ANKRD28: variants seen among roughly 807,000 people sequenced by gnomAD.
ANKRD28 encodes the protein ankyrin repeat domain 28, also known as serine/threonine-protein phosphatase 6 regulatory ankyrin repeat subunit A.
A neutral mutation model predicts 126.5 loss-of-function variants in ANKRD28; 44 were observed. The observed-to-expected ratio is 0.35, with a 90% CI of 0.27 to 0.45. The LOEUF is 0.45. Ranked by LOEUF, ANKRD28 falls within the 20% of genes least tolerant of loss-of-function variation. The pLI is 1.00. For missense variants in ANKRD28, 1,110 were observed against 1,316.6 expected, an observed-to-expected ratio of 0.84 and a Z score of 2.43; for synonymous variants, 442 against 468.5, an observed-to-expected ratio of 0.94 and a Z score of 0.73.
chr3:15,836,287 T>C (rs145017353), intron 1 of ANKRD28, among the ~76,000 whole-genome samples: 120 of 152,126 alleles, frequency 7.9e-4, no homozygotes, highest in African/African-American at 2.8e-3. Context: ...CGAGAGAAAA[T>C]AGTTATACCG....
intron 2 of ANKRD28, among the ~76,000 whole-genome samples, chr3:15,768,141 G>C (rs1202624552): frequency 6.6e-6 from 1 of 152,010 alleles, no homozygotes; most frequent in African/African-American, 2.4e-5. Flanking sequence ...ATTTAAAGTA[G>C]GTAGTATATT....
Position 15,814,266 on chromosome 3 carries a change from C to A in ANKRD28, c.28-18960G>T. 7.9e-7 allele frequency: 1 copy of A among 1,264,080 alleles called. No individual in the cohort carries two copies. The highest frequency in any genetic ancestry group is 1.0e-6 in the Non-Finnish European group (1 of 980,420). The allele number at this position is 1,264,080 out of a possible 1,614,324, so 78.3% of individuals were successfully genotyped here. A position where few individuals can be genotyped will look rare whatever the true frequency, so the allele number is the denominator to read the frequency against. On this transcript the variant is annotated intron_variant, in intron 1 of 27. Coordinates refer to the ANKRD28 transcript ENST00000399451. The surrounding 1 kb of genome is among the most constrained non-coding windows in gnomAD (Gnocchi z 4.7). ...ATAATAGGAATTCCCATACTATTTT[C>A]CTCTGGTGGAGGCAGTTGTACTGTT...
intron 1 of ANKRD28, among the ~76,000 whole-genome samples, chr3:15,820,243 A>G (rs1017786901): frequency 1.3e-5 from 2 of 152,204 alleles, no homozygotes; most frequent in Non-Finnish European, 2.9e-5. Context: ...ATATGCATAT[A>G]TATCAACCTA....
chr3:15,837,524 A>G (rs904364014), intron 1 of ANKRD28, among the ~76,000 whole-genome samples: 5 of 152,252 alleles, frequency 3.3e-5, no homozygotes, highest in Admixed American at 1.3e-4. Context: ...TGAAAATTAA[A>G]CAAGACACCT....
chr3:15,859,443 C>CGCT (rs1553652841), exon 1 of ANKRD28: 3 of 1,478,936 alleles, frequency 2.0e-6, no homozygotes, highest in Non-Finnish European at 2.7e-6. Context: ...CCTCCTCCTC[C>CGCT]GCCGCTGCCG....
At chr3:15,734,389 TAATCAGGTAATGTGACTGGTA>T (rs1361867685) in intron 6 of ANKRD28, among the ~76,000 whole-genome samples, 1 of 152,230 alleles carries the variant, frequency 6.6e-6, no homozygotes, top group Non-Finnish European at 1.5e-5. Flanking sequence ...GATGTCTTTG[TAATCAGGTAATGTGACTGGTA>T]AATCAGGGAA....
intron 2 of ANKRD28, among the ~76,000 whole-genome samples, chr3:15,783,485 A>G (rs952117051): frequency 1.3e-5 from 2 of 151,980 alleles, no homozygotes; most frequent in African/African-American, 4.8e-5. Context: ...AAAGTTAAAC[A>G]AGCATATTCA....
At chr3:15,792,411 G>A (rs989530618) in intron 2 of ANKRD28, among the ~76,000 whole-genome samples, 4 of 152,146 alleles carry the variant, frequency 2.6e-5, no homozygotes, top group African/African-American at 9.7e-5. Context: ...CCAGTCATTT[G>A]CAACAACAGG....
intron 2 of ANKRD28, among the ~76,000 whole-genome samples, chr3:15,776,668 G>A (rs955770940): frequency 6.6e-6 from 1 of 152,122 alleles, no homozygotes; most frequent in Admixed American, 6.5e-5. Context: ...CACTTCTGAG[G>A]TGCTAATGAT....
chr3:15,713,855 A>G (rs2072650227), intron 9 of ANKRD28, among the ~76,000 whole-genome samples: 1 of 152,200 alleles, frequency 6.6e-6, no homozygotes, highest in South Asian at 2.1e-4. Context: ...AGATTTTAGT[A>G]GATTTTTAAA....
chr3:15,764,705 T>G (rs2058659856), intron 3 of ANKRD28, among the ~76,000 whole-genome samples: 1 of 152,114 alleles, frequency 6.6e-6, no homozygotes, highest in Non-Finnish European at 1.5e-5. Flanking sequence ...TCCATAAACT[T>G]GAGTCCCATT....
Position 15,737,037 on chromosome 3 carries a change from C to A in ANKRD28, c.548G>T (p.Gly183Val), listed in dbSNP as rs370900121. ...GTCTAATTGAATGCCACCTACCTCA[C>A]CATGTCCACTGAAAGCTGCATGATG... is the stretch of plus-strand genomic sequence containing the variant. ...ALHHAAFSGH[G>V]EMVKLLLSRG... The change falls in exon 5 of 28, where the codon GGT (glycine) becomes GTT (valine). Residue 183 changes from glycine (G) to valine (V), a missense_variant. Coordinates refer to ENST00000683139, the MANE Select transcript of ANKRD28 (RefSeq NM_001349278.2). The A allele has an allele frequency of 6.8e-5, 109 of 1,613,938 alleles. 1 individual carries two copies. In the African/African-American group the frequency reaches 1.3e-3, roughly 19 times the overall value.
At chr3:15,756,534 C>T (rs539853028) in intron 3 of ANKRD28, 15 of 985,072 alleles carry the variant, frequency 1.5e-5, no homozygotes, top group East Asian at 2.3e-4. Flanking sequence ...AGAGGTCTAA[C>T]GTTGTGAAGA....
chr3:15,825,463 T>G (rs2061041580), intron 1 of ANKRD28, among the ~76,000 whole-genome samples: 1 of 152,022 alleles, frequency 6.6e-6, no homozygotes, highest in South Asian at 2.1e-4. Flanking sequence ...TTCGGGGCGG[T>G]GGGGGAGGAA....
intron 2 of ANKRD28, among the ~76,000 whole-genome samples, chr3:15,792,655 T>C (rs2060086374): frequency 1.3e-5 from 2 of 152,120 alleles, no homozygotes; most frequent in South Asian, 4.1e-4. Context: ...CACAATAGGG[T>C]GACTATAGTC....
rs186388020 is a variant in ANKRD28, at chr3:15,776,491, A to G, written c.202-10179T>C. Among the ~76,000 whole-genome samples the G allele has an allele frequency of 1.8e-3, 272 of 152,326 alleles. 1 individual carries two copies. The highest frequency in any genetic ancestry group is 6.0e-3 in the African/African-American group (248 of 41,576). ...CCCAGACTCGAAGAAAATATACTGT[A>G]TGATCCATTTGATTCAAAATATGCA... is the stretch of plus-strand genomic sequence containing the variant. On this transcript the variant is annotated intron_variant, in intron 2 of 27. Coordinates refer to ENST00000683139, the MANE Select transcript of ANKRD28 (RefSeq NM_001349278.2).
rs374450983 is a variant in ANKRD28, at chr3:15,684,983, G to C, written c.2389+243C>G. The C allele has an allele frequency of 1.4e-4, 71 of 494,698 alleles. 1 individual carries two copies. The highest frequency in any genetic ancestry group is 1.3e-3 in the African/African-American group (69 of 51,278). The allele number at this position is 494,698 out of a possible 1,614,324, so 30.6% of individuals were successfully genotyped here. A position where few individuals can be genotyped will look rare whatever the true frequency, so the allele number is the denominator to read the frequency against. ...AACTAAAAAAGAAAAGAAAAGAAAAGAAAAACCTCAAAAATACTTCATGGC... is the reference window on the plus strand; with the variant it reads ...AACTAAAAAAGAAAAGAAAAGAAAACAAAAACCTCAAAAATACTTCATGGC... On this transcript the variant is annotated intron_variant, in intron 21 of 27. Transcript: ENST00000683139.
chr3:15,764,688 A>G (rs2058658680), intron 3 of ANKRD28, among the ~76,000 whole-genome samples: 1 of 152,208 alleles, frequency 6.6e-6, no homozygotes. Context: ...ATGTTTGTGT[A>G]GAAAATTCCA....
chr3:15,737,571 C>T (rs1349983337), intron 4 of ANKRD28, among the ~76,000 whole-genome samples: 1 of 13,696 alleles, frequency 7.3e-5, no homozygotes, highest in Admixed American at 9.8e-4. Context: ...CTTAAGTGAT[C>T]CTCCCACCTT....
Sources: allele counts gnomAD v4.1 joint callset (sites outside exome capture counted in the v4.1 genomes callset), GRCh38; gene constraint gnomAD v4.1.1; non-coding constraint Gnocchi (gnomAD v3.1); transcripts MANE v1.5; gene names NCBI Gene and HGNC (gene_info 2026-07-23, HGNC 2026-07-21).